The following SUMF1 variants were observed in gnomAD, a reference collection of about 807,000 sequenced individuals.
SUMF1 encodes sulfatase modifying factor 1.
Under a neutral mutation model 47.6 loss-of-function variants are expected in SUMF1, and 48 were observed. That is an observed-to-expected ratio of 1.01 (90% CI 0.80 to 1.28). The LOEUF (loss-of-function observed/expected upper bound fraction) is 1.28, where lower values mean the gene tolerates loss of function less well. SUMF1 is among the 50% of genes most tolerant of loss of function. The probability of loss-of-function intolerance (pLI) is 0.00; values close to 1 mark genes in which losing one functional copy is unlikely to be tolerated. For missense variants in SUMF1, 571 were observed against 485.4 expected, an observed-to-expected ratio of 1.18 and a Z score of -1.66; for synonymous variants, 230 against 192.1, an observed-to-expected ratio of 1.20 and a Z score of -1.63.
chr3:4,406,832 T>G (rs943058446), intron 7 of SUMF1, among the ~76,000 whole-genome samples: 1 of 152,182 alleles, frequency 6.6e-6, no homozygotes, highest in Admixed American at 6.5e-5. Context: ...AAAGTGAGTA[T>G]GCAGATGTGG....
At chr3:4,272,083 G>A (rs1267119397) in intron 8 of SUMF1, among the ~76,000 whole-genome samples, 1 of 152,170 alleles carries the variant, frequency 6.6e-6, no homozygotes, top group Non-Finnish European at 1.5e-5. Flanking sequence ...GACCCGGACT[G>A]GAATTTGGCT....
chr3:4,431,965 A>G (rs1702248126), intron 3 of SUMF1, among the ~76,000 whole-genome samples: 1 of 152,102 alleles, frequency 6.6e-6, no homozygotes. Flanking sequence ...CCTGGTAGGC[A>G]GTCCCTGTCA....
intron 9 of SUMF1, among the ~76,000 whole-genome samples, chr3:4,060,450 A>AT (rs1267279053): frequency 8.5e-5 from 13 of 152,162 alleles, no homozygotes; most frequent in Admixed American, 8.5e-4. Context: ...AGGTTACAAA[A>AT]TCTTCATGAC....
intron 8 of SUMF1, among the ~76,000 whole-genome samples, chr3:4,289,564 T>A (rs1697699687): frequency 6.6e-6 from 1 of 152,166 alleles, no homozygotes; most frequent in Non-Finnish European, 1.5e-5. Flanking sequence ...AGTATATATC[T>A]TAATTATATC....
At chr3:4,250,812 T>C (rs1283227377) in intron 8 of SUMF1, among the ~76,000 whole-genome samples, 3 of 152,188 alleles carry the variant, frequency 2.0e-5, no homozygotes, top group Non-Finnish European at 4.4e-5. Context: ...TTAAGCCCAC[T>C]GTTGAGACTT....
At chr3:4,217,626 A>T (rs1203193344) in intron 8 of SUMF1, among the ~76,000 whole-genome samples, 10 of 139,748 alleles carry the variant, frequency 7.2e-5, no homozygotes, top group African/African-American at 2.7e-4. Context: ...GGAAATGTAC[A>T]AGGTCTAATT....
chr3:4,346,672 C>T (rs532193662), intron 8 of SUMF1, among the ~76,000 whole-genome samples: 6 of 151,174 alleles, frequency 4.0e-5, no homozygotes, highest in Middle Eastern at 3.4e-3. Flanking sequence ...AAGAAATAAC[C>T]GAGATCAGAG....
chr3:4,423,972 G>A (rs1320066936), intron 3 of SUMF1, among the ~76,000 whole-genome samples: 7 of 152,148 alleles, frequency 4.6e-5, no homozygotes, highest in Non-Finnish European at 1.0e-4. Context: ...CCAGAGCTAC[G>A]TTTCCTGTAT....
chr3:4,436,237 C>T (rs1266424568), intron 3 of SUMF1, among the ~76,000 whole-genome samples: 4 of 152,064 alleles, frequency 2.6e-5, no homozygotes, highest in African/African-American at 7.2e-5. Context: ...AACTCTAACA[C>T]AGGGGATGGG....
chr3:4,052,850 T>C (rs759504675), intron 9 of SUMF1, among the ~76,000 whole-genome samples: 2 of 152,304 alleles, frequency 1.3e-5, no homozygotes, highest in Admixed American at 1.3e-4. Flanking sequence ...AGAAATGTTG[T>C]ATGTGGTTTA....
rs745903146 is a variant in SUMF1 at position 4,117,293 on chromosome 3, C to A, written c.1015-48548G>T. Among the ~76,000 whole-genome samples the A allele has an allele frequency of 1.9e-4, 29 of 151,894 alleles. 1 individual carries two copies. Among genetic ancestry groups the A allele is most frequent in the African/African-American group, 5.8e-4 (24 of 41,386 alleles). The stretch of plus-strand genomic sequence containing the variant: ...GTAACTAAAGCAAAGGTTAATAGGG[C>A]CATGGACCTCCCTTTCCATCTTTCA... On this transcript the variant is annotated intron_variant and NMD_transcript_variant, in intron 8 of 12. Transcript: ENST00000448413.
chr3:4,261,225 A>T (rs1697078518), intron 8 of SUMF1, among the ~76,000 whole-genome samples: 1 of 152,208 alleles, frequency 6.6e-6, no homozygotes, highest in Admixed American at 6.5e-5. Context: ...TTTTTTCATA[A>T]GGGCAGAATA....
chr3:4,244,310 C>T (rs947590774), intron 8 of SUMF1, among the ~76,000 whole-genome samples: 1 of 152,130 alleles, frequency 6.6e-6, no homozygotes, highest in Admixed American at 6.5e-5. Flanking sequence ...ATGATGCTAG[C>T]TAGTTATTTC....
chr3:4,104,036 T>C (rs1461335983), intron 8 of SUMF1, among the ~76,000 whole-genome samples: 1 of 152,170 alleles, frequency 6.6e-6, no homozygotes, highest in Admixed American at 6.5e-5. Flanking sequence ...GAGACCATGC[T>C]GGAAATTTTC....
chr3:4,160,892 T>C lies in SUMF1; in HGVS notation c.1015-92147A>G, dbSNP rs116704068. Among the ~76,000 whole-genome samples the C allele has an allele frequency of 1.8e-3, 279 of 152,252 alleles. 2 individuals are homozygous for C. Among genetic ancestry groups the C allele is most frequent in the African/African-American group, 6.5e-3 (268 of 41,540 alleles). On this transcript the variant is annotated intron_variant and NMD_transcript_variant, in intron 8 of 12. Transcript: ENST00000448413. Reference sequence around the variant, plus strand: ...GGCCTTGATGCTTGTGGATGTTGTTTAGTGTCTGGACATTGAAGAGTTATT... The same window carrying C: ...GGCCTTGATGCTTGTGGATGTTGTTCAGTGTCTGGACATTGAAGAGTTATT...
chr3:4,185,403 G>C (rs975128396), intron 8 of SUMF1, among the ~76,000 whole-genome samples: 14 of 152,112 alleles, frequency 9.2e-5, no homozygotes, highest in Non-Finnish European at 2.1e-4. Flanking sequence ...TAACAACTAA[G>C]ATGTTGGTGA....
rs200304441 is a variant in SUMF1, at chr3:4,376,384, A to T, written c.960T>A (p.Gly320=). 6.2e-7 allele frequency: 1 copy of T among 1,613,972 alleles called. No homozygotes were observed. The highest frequency in any genetic ancestry group is 8.5e-7 in the Non-Finnish European group (1 of 1,179,942). Residue 320 remains glycine, a synonymous_variant, in exon 8 of 9, where the codon GGT becomes GGA. Transcript: ENST00000272902. ...TCACTCGGTCTTTCCCAGAAGGGGGACCTTTCTACAGATGAAGAAAAAAGG... is the reference window on the plus strand; with the variant it reads ...TCACTCGGTCTTTCCCAGAAGGGGGTCCTTTCTACAGATGAAGAAAAAAGG... ...HSVEETLNPK[G]PPSGKDRVKK...
chr3:4,180,285 G>A (rs1345848861), intron 8 of SUMF1, among the ~76,000 whole-genome samples: 1 of 152,102 alleles, frequency 6.6e-6, no homozygotes, highest in Admixed American at 6.5e-5. Flanking sequence ...CAAAGGCTTG[G>A]AACCAACCCA....
intron 8 of SUMF1, among the ~76,000 whole-genome samples, chr3:4,105,314 T>G (rs1160955617): frequency 6.6e-6 from 1 of 152,156 alleles, no homozygotes; most frequent in Non-Finnish European, 1.5e-5. Context: ...ATCTCTCGCA[T>G]AGGCTGGTGA....
Sources: allele counts gnomAD v4.1 joint callset (sites outside exome capture counted in the v4.1 genomes callset), GRCh38; gene constraint gnomAD v4.1.1; transcripts MANE v1.5; gene names NCBI Gene and HGNC (gene_info 2026-07-23, HGNC 2026-07-21).